The following FAM107B variants were observed in gnomAD, a reference collection of about 807,000 sequenced individuals.
FAM107B encodes protein FAM107B.
In FAM107B, 21 loss-of-function variants were observed where a neutral mutation model predicts 31.5. That is an observed-to-expected ratio of 0.67 (90% CI 0.47 to 0.96). FAM107B has a LOEUF of 0.96. FAM107B is among the 40% of genes least tolerant of loss of function. FAM107B has a pLI of 0.00. For missense variants in FAM107B, 452 were observed against 377.1 expected, an observed-to-expected ratio of 1.20 and a Z score of -1.64; for synonymous variants, 157 against 141.5, an observed-to-expected ratio of 1.11 and a Z score of -0.78.
intron 1 of FAM107B, among the ~76,000 whole-genome samples, chr10:14,757,948 G>C (rs1019293341): frequency 1.3e-5 from 2 of 152,090 alleles, no homozygotes. Context: ...GAGCTTGAAG[G>C]TAAGTTTTGA....
At chr10:14,522,074 T>G in intron 3 of FAM107B, 55 bp from the exon 4 acceptor site, 2 of 1,569,130 alleles carry the variant, frequency 1.3e-6, no homozygotes, top group Non-Finnish European at 8.6e-7. Flanking sequence ...CTACATTTTT[T>G]ATGAACAGAA....
At chr10:14,564,604 T>C (rs1564570818) in intron 2 of FAM107B, among the ~76,000 whole-genome samples, 1 of 151,848 alleles carries the variant, frequency 6.6e-6, no homozygotes, top group Non-Finnish European at 1.5e-5. Flanking sequence ...CTCATCTCCA[T>C]GGTTAATCAT....
intron 2 of FAM107B, among the ~76,000 whole-genome samples, chr10:14,585,641 C>A (rs780011827): frequency 6.6e-6 from 1 of 152,196 alleles, no homozygotes; most frequent in Non-Finnish European, 1.5e-5. Context: ...GAGAAAAGAG[C>A]TCTGAAAAGT....
intron 2 of FAM107B, among the ~76,000 whole-genome samples, chr10:14,641,279 T>A (rs764293608): frequency 6.6e-6 from 1 of 152,180 alleles, no homozygotes; most frequent in East Asian, 1.9e-4. Context: ...ATGGATAAAA[T>A]GTATTTTGGG....
intron 2 of FAM107B, among the ~76,000 whole-genome samples, chr10:14,659,855 T>C (rs967945495): frequency 6.6e-6 from 1 of 152,238 alleles, no homozygotes; most frequent in Non-Finnish European, 1.5e-5. Context: ...AACAAGGAAC[T>C]GCTCAGTGGA....
chr10:14,614,022 T>C (rs907953931), intron 2 of FAM107B, among the ~76,000 whole-genome samples: 4 of 152,062 alleles, frequency 2.6e-5, no homozygotes, highest in Non-Finnish European at 5.9e-5. Context: ...TCCCAGCTAC[T>C]CGGGAGGCTG....
At chr10:14,706,154 G>T (rs2131530920) in intron 1 of FAM107B, among the ~76,000 whole-genome samples, 1 of 152,278 alleles carries the variant, frequency 6.6e-6, no homozygotes, top group Non-Finnish European at 1.5e-5. Flanking sequence ...GCTCATGGAG[G>T]CTGTGCACAA....
At chr10:14,546,841 TAATG>T (rs776529775) in intron 2 of FAM107B, among the ~76,000 whole-genome samples, 1 of 152,140 alleles carries the variant, frequency 6.6e-6, no homozygotes, top group Non-Finnish European at 1.5e-5. Context: ...CATCAGAACA[TAATG>T]AATGCTCAAA....
chr10:14,612,755 G>C (rs1852756116), intron 2 of FAM107B, among the ~76,000 whole-genome samples: 1 of 152,148 alleles, frequency 6.6e-6, no homozygotes, highest in African/African-American at 2.4e-5. Flanking sequence ...AAAATGATAA[G>C]TGACAGGCTG....
chr10:14,556,976 CTCTT>C (rs1249173831), intron 2 of FAM107B, among the ~76,000 whole-genome samples: 1 of 152,226 alleles, frequency 6.6e-6, no homozygotes, highest in Non-Finnish European at 1.5e-5. Flanking sequence ...ACACACCAAA[CTCTT>C]TCTGGGCTGC....
intron 2 of FAM107B, among the ~76,000 whole-genome samples, chr10:14,655,871 G>A (rs949588808): frequency 6.6e-6 from 1 of 152,156 alleles, no homozygotes; most frequent in African/African-American, 2.4e-5. Context: ...TCTGATCAGG[G>A]ATTGGGTGAC....
At position 14,731,614 on chromosome 10, in the gene FAM107B, A is replaced by G. The variant is rs1302431706; in HGVS notation, c.411+42639T>C. Among the ~76,000 whole-genome samples the G allele has an allele frequency of 1.3e-5, 2 of 152,206 alleles. 1 individual carries two copies. ...TTACAAGAAACTTTTTAAATCTCTC[A>G]ATGCATGCACAGTCATGTCCTGCAT... On this transcript the variant is annotated intron_variant, in intron 1 of 4. Transcript: ENST00000181796.
chr10:14,566,078 T>C (rs1475429994), intron 2 of FAM107B, among the ~76,000 whole-genome samples: 1 of 152,162 alleles, frequency 6.6e-6, no homozygotes, highest in Non-Finnish European at 1.5e-5. Flanking sequence ...ATCTTGAAAT[T>C]CTTAATTTTT....
intron 1 of FAM107B, among the ~76,000 whole-genome samples, chr10:14,695,036 G>A (rs1339485212): frequency 6.6e-6 from 1 of 151,900 alleles, no homozygotes; most frequent in Non-Finnish European, 1.5e-5. Context: ...CAATCTTATG[G>A]CCTAAGTTTT....
intron 2 of FAM107B, among the ~76,000 whole-genome samples, chr10:14,593,417 C>T (rs1213108581): frequency 6.6e-6 from 1 of 152,014 alleles, no homozygotes; most frequent in Non-Finnish European, 1.5e-5. Flanking sequence ...TTACTGCTGG[C>T]CGGGCGCAGT....
intron 1 of FAM107B, among the ~76,000 whole-genome samples, chr10:14,736,738 A>T (rs1480031369): frequency 6.6e-6 from 1 of 152,184 alleles, no homozygotes; most frequent in Admixed American, 6.5e-5. Context: ...TATTCCTGGG[A>T]TTTATGTCCA....
chr10:14,647,328 G>A (rs1853781910), intron 2 of FAM107B, among the ~76,000 whole-genome samples: 1 of 152,168 alleles, frequency 6.6e-6, no homozygotes, highest in South Asian at 2.1e-4. Flanking sequence ...GATTTTCAGT[G>A]CTACAAATCG....
At position 14,629,872 on chromosome 10, in the gene FAM107B, GA is replaced by G. The variant is rs566697857; in HGVS notation, c.469+37761del. The stretch of plus-strand genomic sequence containing the variant: ...TATGGCATAATATGATATAAATTTA[GA>G]AAAAAAACATGATTTTTACATTTAC... On this transcript the variant is annotated intron_variant, in intron 2 of 4. Coordinates refer to ENST00000181796, the MANE Select transcript of FAM107B (RefSeq NM_031453.4). Among the ~76,000 whole-genome samples the G allele has an allele frequency of 1.3e-3, 198 of 151,218 alleles. 2 individuals carry two copies. The highest frequency in any genetic ancestry group is 4.6e-3 in the African/African-American group (189 of 41,250).
intron 1 of FAM107B, among the ~76,000 whole-genome samples, chr10:14,737,441 C>T (rs1384353112): frequency 4.0e-5 from 6 of 151,884 alleles, no homozygotes; most frequent in Non-Finnish European, 7.4e-5. Flanking sequence ...AGTGAGACCC[C>T]GTCTCTACTA....
Sources: gnomAD v4.1 joint callset for allele counts (sites outside exome capture counted in the v4.1 genomes callset) on GRCh38, gnomAD v4.1.1 for gene constraint, MANE v1.5 for transcripts, NCBI Gene and HGNC (gene_info 2026-07-23, HGNC 2026-07-21) for gene names.